Variants in ADGRV1 observed in about 807,000 individuals in gnomAD.
ADGRV1 encodes G-protein coupled receptor 98.
Under a neutral mutation model 596.2 loss-of-function variants are expected in ADGRV1, and 359 were observed. The observed-to-expected ratio is 0.60, with a 90% CI of 0.55 to 0.66. The LOEUF is 0.66. Ranked by LOEUF, ADGRV1 falls within the 30% of genes least tolerant of loss-of-function variation. ADGRV1 has a pLI of 0.00. For missense variants in ADGRV1, 7,274 were observed against 7,575.6 expected (o/e 0.96, Z 1.48); for synonymous variants, 2,681 against 2,679.2 (o/e 1.00, Z -0.02).
chr5:90,674,328 A>C (rs956560562), intron 23 of ADGRV1, 94 bp downstream of exon 23: 1 of 878,276 alleles, frequency 1.1e-6, no homozygotes, highest in Non-Finnish European at 1.6e-6. Context: ...AAATGACGGA[A>C]GTAGAATGCC....
At chr5:90,837,690 C>T (rs977635552) in intron 77 of ADGRV1, among the ~76,000 whole-genome samples, 1 of 152,056 alleles carries the variant, frequency 6.6e-6, no homozygotes, top group African/African-American at 2.4e-5. Flanking sequence ...TTTATAAACA[C>T]AAGAACATTT....
intron 77 of ADGRV1, among the ~76,000 whole-genome samples, chr5:90,839,448 T>C (rs942164548): frequency 3.3e-5 from 5 of 152,096 alleles, no homozygotes; most frequent in Non-Finnish European, 5.9e-5. Context: ...TCTCCTGACC[T>C]TGTGATCCAC....
At position 90,994,622 on chromosome 5, in the gene ADGRV1, T is replaced by A. The variant is rs941487034; in HGVS notation, c.18152+9100T>A. Among the ~76,000 whole-genome samples the A allele has an allele frequency of 2.0e-5, 3 of 152,360 alleles. No homozygotes were observed. In the South Asian group the frequency reaches 6.2e-4, roughly 32 times the overall value. ...CATCATATCTTCTTGGTTTTTTGCA[T>A]ATTTTGTAAATTTTTGTTGAAAATT... is the stretch of plus-strand genomic sequence containing the variant. On this transcript the variant is annotated intron_variant, in intron 85 of 89. Coordinates refer to ENST00000405460, the MANE Select transcript of ADGRV1 (RefSeq NM_032119.4).
At chr5:90,563,396 T>G (rs1005559540) in intron 1 of ADGRV1, among the ~76,000 whole-genome samples, 1 of 152,258 alleles carries the variant, frequency 6.6e-6, no homozygotes, top group African/African-American at 2.4e-5. Context: ...CTTAAATAAC[T>G]AATCAACAGA....
At chr5:91,130,020 T>A (rs1313058028) in intron 87 of ADGRV1, among the ~76,000 whole-genome samples, 1 of 152,196 alleles carries the variant, frequency 6.6e-6, no homozygotes, top group East Asian at 1.9e-4. Flanking sequence ...TAACCCTTGC[T>A]GCCTCCCTGA....
chr5:90,810,335 A>G lies in ADGRV1; in HGVS notation c.15075A>G (p.Leu5025=). The G allele has an allele frequency of 1.2e-6, 2 of 1,612,950 alleles. No individual in the cohort carries two copies. The highest frequency in any genetic ancestry group is 1.7e-6 in the Non-Finnish European group (2 of 1,179,428). The part of the protein sequence containing the change: ...IVSEDTQMIR[L]HVQRLFGFHS... Reference sequence around the variant, plus strand: ...CAGAAGATACACAGATGATCAGATTACATGTACAAAGACTATTTGGGTTCC... The same window carrying G: ...CAGAAGATACACAGATGATCAGATTGCATGTACAAAGACTATTTGGGTTCC... Residue 5025 remains leucine, a synonymous_variant, in exon 74 of 90, where the codon TTA becomes TTG. Coordinates refer to ENST00000405460, the MANE Select transcript of ADGRV1 (RefSeq NM_032119.4).
intron 85 of ADGRV1, among the ~76,000 whole-genome samples, chr5:91,023,725 T>A (rs1467218372): frequency 6.6e-6 from 1 of 152,130 alleles, no homozygotes; most frequent in South Asian, 2.1e-4. Context: ...CCTGAAGCCA[T>A]GAGCAAGGCT....
intron 87 of ADGRV1, among the ~76,000 whole-genome samples, chr5:91,134,795 A>C (rs1275217676): frequency 2.0e-5 from 3 of 152,198 alleles, no homozygotes; most frequent in Non-Finnish European, 4.4e-5. Flanking sequence ...ATTTTATAAA[A>C]ATATGTTCTC....
intron 83 of ADGRV1, among the ~76,000 whole-genome samples, chr5:90,918,641 TAA>T (rs1373734586): frequency 6.6e-6 from 1 of 152,216 alleles, no homozygotes; most frequent in Non-Finnish European, 1.5e-5. Flanking sequence ...TAAATAATAA[TAA>T]GTTTCCAGGG....
chr5:90,990,018 A>G (rs1426286276), intron 85 of ADGRV1, among the ~76,000 whole-genome samples: 1 of 152,058 alleles, frequency 6.6e-6, no homozygotes, highest in South Asian at 2.1e-4. Context: ...GGGTTTCTCC[A>G]CATTGGTCAG....
chr5:91,104,416 A>G (rs1227980509), intron 87 of ADGRV1, among the ~76,000 whole-genome samples: 3 of 152,246 alleles, frequency 2.0e-5, no homozygotes, highest in Non-Finnish European at 2.9e-5. Context: ...CATCTCAAAC[A>G]TTCATCATTA....
chr5:90,715,753 C>A lies in ADGRV1; in HGVS notation c.9185-714C>A, dbSNP rs142338731. Among the ~76,000 whole-genome samples, 883 of 152,030 alleles carry A rather than the reference C, an allele frequency of 5.8e-3. 2 individuals carry two copies. The highest frequency in any genetic ancestry group is 6.8e-3 in the Non-Finnish European group (461 of 67,980). ...TTTCTGACTTTGTGCACCAGGTCTGCCACTTCCCAGCTTGTAAACTTCTTC... is the reference window on the plus strand; with the variant it reads ...TTTCTGACTTTGTGCACCAGGTCTGACACTTCCCAGCTTGTAAACTTCTTC... On this transcript the variant is annotated intron_variant, in intron 42 of 89. Transcript: ENST00000405460.
intron 17 of ADGRV1, among the ~76,000 whole-genome samples, chr5:90,648,697 T>C (rs6898209): frequency 0.73 from 110,717 of 152,092 alleles, 41,131 homozygotes; most frequent in African/African-American, 0.87. Flanking sequence ...GTTTCTATTC[T>C]GCTTCCTCTT....
At chr5:91,113,021 T>A (rs757423754) in intron 87 of ADGRV1, among the ~76,000 whole-genome samples, 1 of 152,176 alleles carries the variant, frequency 6.6e-6, no homozygotes, top group South Asian at 2.1e-4. Context: ...AAACCTAGTC[T>A]TTGACTCTTC....
chr5:90,781,646 C>T (rs957321726), intron 65 of ADGRV1, 68 bp downstream of exon 65: 2 of 1,462,014 alleles, frequency 1.4e-6, no homozygotes, highest in African/African-American at 1.4e-5. Context: ...GTTTGAATTT[C>T]CGTGTGTAAA....
chr5:90,611,566 A>G (rs1762731065), intron 1 of ADGRV1, among the ~76,000 whole-genome samples: 3 of 151,940 alleles, frequency 2.0e-5, no homozygotes, highest in African/African-American at 7.2e-5. Flanking sequence ...GAGAAGAGGA[A>G]TGATGTCAGT....
intron 43 of ADGRV1, chr5:90,718,405 CTT>C: frequency 6.6e-6 from 1 of 152,170 alleles, no homozygotes; most frequent in Non-Finnish European, 1.5e-5. Context: ...CCTTTTGACT[CTT>C]GTCAATAAAG....
rs747578218 is a variant in ADGRV1 at position 90,823,409 on chromosome 5, G to T, written c.16197-16G>T. 6.2e-7 allele frequency: 1 copy of T among 1,612,046 alleles called. No individual in the cohort carries two copies. Among genetic ancestry groups the T allele is most frequent in the Non-Finnish European group, 8.5e-7 (1 of 1,179,346 alleles). ...GACACCCTCTGTTAAGGCATTGGTG[G>T]GTTTCTTGCTCACAGGGCCTTTGAA... On this transcript the variant is annotated splice_polypyrimidine_tract_variant and intron_variant, in intron 75 of 89. Coordinates refer to ENST00000405460, the MANE Select transcript of ADGRV1 (RefSeq NM_032119.4).
intron 64 of ADGRV1, among the ~76,000 whole-genome samples, chr5:90,780,509 T>G (rs1242395170): frequency 6.6e-6 from 1 of 152,164 alleles, no homozygotes; most frequent in African/African-American, 2.4e-5. Context: ...AAAGTCATAT[T>G]TTAAAGCCTT....
Sources: allele counts gnomAD v4.1 joint callset (sites outside exome capture counted in the v4.1 genomes callset), GRCh38; gene constraint gnomAD v4.1.1; transcripts MANE v1.5; gene names NCBI Gene and HGNC (gene_info 2026-07-23, HGNC 2026-07-21).